Variants in CALHM4 observed in about 807,000 individuals in gnomAD.
The protein encoded by CALHM4 is calcium homeostasis modulator family member 4.
A neutral mutation model predicts 13.3 loss-of-function variants in CALHM4; 16 were observed. The observed-to-expected ratio is 1.20, with a 90% CI of 0.81 to 1.82. The LOEUF (loss-of-function observed/expected upper bound fraction) is 1.82. CALHM4 is among the 40% of genes most tolerant of loss of function. The pLI is 0.00. For synonymous variants in CALHM4, 127 were observed against 137.1 expected (o/e 0.93, Z 0.52); for missense variants, 344 against 374.9 (o/e 0.92, Z 0.68).
intron 1 of CALHM4, chr6:116,543,428 A>T: frequency 1.2e-5 from 18 of 1,518,054 alleles, no homozygotes; most frequent in Non-Finnish European, 1.6e-5. Context: ...GTTTCTGGTT[A>T]TAGGCAAGTT....
intron 2 of CALHM4, chr6:116,545,457 T>G (rs1773723037): frequency 6.5e-7 from 1 of 1,539,410 alleles, no homozygotes; most frequent in Admixed American, 2.0e-5. Context: ...AAAATCTCTT[T>G]GTAGAAAGAT....
At chr6:116,539,347 G>A (rs1331406013) in intron 1 of CALHM4, among the ~76,000 whole-genome samples, 2 of 152,042 alleles carry the variant, frequency 1.3e-5, no homozygotes, top group East Asian at 1.9e-4. Flanking sequence ...GAAGATACTC[G>A]AATAACAGTT....
In CALHM4 at chr6:116,557,721, A is replaced by G. The variant is rs564119793; in HGVS notation, c.559-104A>G. ...GATGGGAAAAGCAAATTTTATGTCCATATTTTAGTTCTTAGGTTTGTAGGA... is the reference window on the plus strand; with the variant it reads ...GATGGGAAAAGCAAATTTTATGTCCGTATTTTAGTTCTTAGGTTTGTAGGA... On this transcript the variant is annotated intron_variant, in intron 1 of 1. Coordinates refer to ENST00000368596, the MANE Select transcript of CALHM4 (RefSeq NM_001366078.2). 7.1e-5 allele frequency: 96 copies of G among 1,345,028 alleles called. 1 individual carries two copies. The South Asian group carries it at 7.3e-4, about 10-fold the overall frequency. The allele number at this position is 1,345,028 out of a possible 1,614,324, so 83.3% of individuals were successfully genotyped here.
At chr6:116,552,906 C>G (rs1367735199), upstream of CALHM4, among the ~76,000 whole-genome samples, 1 of 152,108 alleles carries the variant, frequency 6.6e-6, no homozygotes, top group Non-Finnish European at 1.5e-5. Context: ...AACCCTGTCT[C>G]TACTAAAAAT....
At chr6:116,556,465 T>C (rs1474838213) in intron 1 of CALHM4, among the ~76,000 whole-genome samples, 1 of 152,228 alleles carries the variant, frequency 6.6e-6, no homozygotes, top group Non-Finnish European at 1.5e-5. Flanking sequence ...GAGATGGCTT[T>C]TCCTCCGCCA....
Position 116,553,825 on chromosome 6 carries a change from C to T in CALHM4, c.32C>T (p.Ser11Phe). The change falls in exon 1 of 2, where the codon TCT (serine) becomes TTT (phenylalanine). Residue 11 changes from serine to phenylalanine, a missense_variant. Physicochemically the swap from Ser to Phe is radical, Grantham distance 155. Transcript: ENST00000368596. ...CCAACTCTCAACAATATTGTGTCTT[C>T]TCTGCAGAGAAATGGAATATTTATC... is the stretch of plus-strand genomic sequence containing the variant. MCPTLNNIVS[S>F]LQRNGIFINS... is the part of the protein sequence containing the mutation. The T allele has an allele frequency of 6.4e-7, 1 of 1,550,632 alleles. No homozygotes were observed. The highest frequency in any genetic ancestry group is 8.7e-7 in the Non-Finnish European group (1 of 1,146,994).
At position 116,558,000 on chromosome 6, in the gene CALHM4, T is replaced by G. The variant is rs759456648; in HGVS notation, c.734T>G (p.Met245Arg). The G allele has an allele frequency of 6.2e-7, 1 of 1,614,054 alleles. No homozygotes were observed. The highest frequency in any genetic ancestry group is 8.5e-7 in the Non-Finnish European group (1 of 1,180,026). Residue 245 changes from methionine to arginine, a missense_variant, in exon 2 of 2, where the codon ATG becomes AGG. By Grantham distance (91) the Met-to-Arg change is moderately conservative. Transcript: ENST00000368596. ...GAGCAGCACTCTCGGCTCCTCATGA[T>G]GCATCGCATAAAGAAGCTATTTGGC... The part of the protein sequence containing the change: ...AAEQHSRLLM[M>R]HRIKKLFGFI...
Position 116,554,059 on chromosome 6 carries a change from A to C in CALHM4, c.266A>C (p.Tyr89Ser). ...GEYCCSCAPPYRRISPLECKL... is the reference protein window; with the variant it reads ...GEYCCSCAPPSRRISPLECKL... ...TACTGCTGCAGCTGTGCCCCTCCAT[A>C]CAGGAGAATCAGCCCCCTAGAGTGC... The change falls in exon 1 of 2, where the codon TAC (tyrosine) becomes TCC (serine). Residue 89 changes from tyrosine (Y) to serine (S), a missense_variant. Transcript: ENST00000368596. The C allele has an allele frequency of 6.4e-7, 1 of 1,550,698 alleles. No homozygotes were observed. The highest frequency in any genetic ancestry group is 1.4e-5 in the African/African-American group (1 of 73,172).
chr6:116,555,915 T>C (rs1005672829), intron 1 of CALHM4, among the ~76,000 whole-genome samples: 1 of 152,160 alleles, frequency 6.6e-6, no homozygotes. Context: ...AATTGAATGA[T>C]GAGATCCCTT....
At chr6:116,540,175 A>G (rs1235217234) in intron 1 of CALHM4, among the ~76,000 whole-genome samples, 1 of 152,166 alleles carries the variant, frequency 6.6e-6, no homozygotes, top group Non-Finnish European at 1.5e-5. Context: ...AGTTGCTTAA[A>G]TGCATCTTTC....
chr6:116,543,528 T>C, intron 1 of CALHM4: 1 of 792,900 alleles, frequency 1.3e-6, no homozygotes, highest in South Asian at 1.9e-5. Flanking sequence ...CTTCCTCCTA[T>C]TATTGCAACA....
At chr6:116,553,005 C>T (rs1298687052), upstream of CALHM4, among the ~76,000 whole-genome samples, 1 of 152,108 alleles carries the variant, frequency 6.6e-6, no homozygotes, top group Non-Finnish European at 1.5e-5. Context: ...ACCCGGGAGG[C>T]GGAGCTTGCA....
intron 1 of CALHM4, chr6:116,540,498 TAAGA>T (rs762152086): frequency 4.7e-5 from 72 of 1,538,450 alleles, no homozygotes; most frequent in Middle Eastern, 1.7e-4. Flanking sequence ...CTGAAAATTC[TAAGA>T]AATTAGTGAA....
chr6:116,556,975 C>G (rs369736258), intron 1 of CALHM4, among the ~76,000 whole-genome samples: 22 of 127,272 alleles, frequency 1.7e-4, no homozygotes, highest in African/African-American at 5.9e-4. Context: ...GAGTCTCTCT[C>G]TGTCACCTGA....
intron 1 of CALHM4, among the ~76,000 whole-genome samples, chr6:116,540,921 G>C (rs1773409885): frequency 1.3e-5 from 2 of 152,048 alleles, no homozygotes; most frequent in African/African-American, 4.8e-5. Context: ...TTCCAGGATG[G>C]GCTCTGGAAG....
chr6:116,550,208 G>GAT (rs1774012508), upstream of CALHM4, among the ~76,000 whole-genome samples: 1 of 151,696 alleles, frequency 6.6e-6, no homozygotes, highest in African/African-American at 2.4e-5. Context: ...TGTTCCCATT[G>GAT]ATATATATTT....
At position 116,553,999 on chromosome 6, in the gene CALHM4, C is replaced by T. The variant is rs925763372; in HGVS notation, c.206C>T (p.Ala69Val). The change falls in exon 1 of 2, where the codon GCT becomes GTT. Residue 69 changes from alanine (A) to valine (V), a missense_variant. By Grantham distance (64) the Ala-to-Val change is moderately conservative. Coordinates refer to ENST00000368596, the MANE Select transcript of CALHM4 (RefSeq NM_001366078.2). ...TTGATCCTTCTCGTTGCTGGCTTTG[C>T]TCTGAGAAGCCAAATGTGGACAATT... ...PALILLVAGF[A>V]LRSQMWTITG... 3 of 1,550,556 alleles carry T rather than the reference C, an allele frequency of 1.9e-6. No homozygotes were observed. The African/African-American group carries it at 4.1e-5, about 21-fold the overall frequency.
intron 1 of CALHM4, among the ~76,000 whole-genome samples, chr6:116,535,801 T>C (rs1172601060): frequency 6.6e-6 from 1 of 152,222 alleles, no homozygotes; most frequent in African/African-American, 2.4e-5. Flanking sequence ...TAAAGATATA[T>C]TTTAAACAAT....
At chr6:116,545,723 G>A (rs974907903) in intron 2 of CALHM4, 10 of 377,016 alleles carry the variant, frequency 2.7e-5, no homozygotes, top group Admixed American at 1.4e-4. Context: ...TTATAGCCAC[G>A]TAACTTGCCA....
Sources: allele counts gnomAD v4.1 joint callset (sites outside exome capture counted in the v4.1 genomes callset), GRCh38; gene constraint gnomAD v4.1.1; transcripts MANE v1.5; gene names NCBI Gene and HGNC (gene_info 2026-07-23, HGNC 2026-07-21).